Variants in KHDRBS2 observed in about 807,000 individuals in gnomAD.
The protein encoded by KHDRBS2 is KH domain-containing, RNA-binding, signal transduction-associated protein 2.
A neutral mutation model predicts 44.3 loss-of-function variants in KHDRBS2; 26 were observed. The ratio of observed to expected loss-of-function variants is 0.59; its 90% CI spans 0.43 to 0.81. The LOEUF is 0.81. Ranked by LOEUF, KHDRBS2 falls within the 40% of genes least tolerant of loss-of-function variation. KHDRBS2 has a pLI of 0.00. For missense variants in KHDRBS2, 476 were observed against 433.1 expected (o/e 1.10, Z -0.88); for synonymous variants, 194 against 151.1 (o/e 1.28, Z -2.08).
At chr6:61,927,289 T>G (rs1448839124) in intron 4 of KHDRBS2, among the ~76,000 whole-genome samples, 1 of 152,108 alleles carries the variant, frequency 6.6e-6, no homozygotes, top group Non-Finnish European at 1.5e-5. Context: ...AAACATATGG[T>G]ATAAATATTA....
intron 2 of KHDRBS2, among the ~76,000 whole-genome samples, chr6:62,068,067 C>T (rs1794163710): frequency 6.6e-6 from 1 of 151,364 alleles, no homozygotes; most frequent in African/African-American, 2.4e-5. Context: ...AGTGAAATTG[C>T]TGGATTATAT....
chr6:62,043,858 T>C (rs1405865536), intron 3 of KHDRBS2, among the ~76,000 whole-genome samples: 1 of 152,082 alleles, frequency 6.6e-6, no homozygotes, highest in Non-Finnish European at 1.5e-5. Context: ...TAAGAAGTAT[T>C]ATTAGATCCA....
At chr6:62,041,315 G>C (rs756397366) in intron 3 of KHDRBS2, among the ~76,000 whole-genome samples, 1 of 152,006 alleles carries the variant, frequency 6.6e-6, no homozygotes, top group Non-Finnish European at 1.5e-5. Flanking sequence ...TGGGCAGCAA[G>C]AATGAGACTC....
intron 1 of KHDRBS2, among the ~76,000 whole-genome samples, chr6:62,194,369 C>T (rs1299103737): frequency 6.6e-6 from 1 of 151,012 alleles, no homozygotes; most frequent in Non-Finnish European, 1.5e-5. Context: ...TAAAAAAAAC[C>T]AATTAACCAT....
intron 7 of KHDRBS2, among the ~76,000 whole-genome samples, chr6:61,702,625 G>T (rs1235939669): frequency 4.6e-5 from 7 of 151,862 alleles, no homozygotes; most frequent in Admixed American, 2.0e-4. Flanking sequence ...AATAATCTTA[G>T]AACATTTTAA....
chr6:61,906,527 C>T (rs1331963018), intron 4 of KHDRBS2, among the ~76,000 whole-genome samples: 1 of 151,852 alleles, frequency 6.6e-6, no homozygotes, highest in African/African-American at 2.4e-5. Context: ...ACCCATTAAC[C>T]ATCCCAACTT....
intron 7 of KHDRBS2, among the ~76,000 whole-genome samples, chr6:61,698,949 T>A (rs2127544742): frequency 6.6e-6 from 1 of 152,246 alleles, no homozygotes; most frequent in African/African-American, 2.4e-5. Flanking sequence ...CTACCTTGCT[T>A]TGCTCACCTT....
chr6:62,004,376 T>G (rs888413360), intron 3 of KHDRBS2, among the ~76,000 whole-genome samples: 5 of 152,070 alleles, frequency 3.3e-5, no homozygotes, highest in Admixed American at 1.3e-4. Context: ...TATAAACACC[T>G]CTTCGCAAAT....
chr6:62,203,500 A>C (rs1827391095), intron 1 of KHDRBS2, among the ~76,000 whole-genome samples: 1 of 152,138 alleles, frequency 6.6e-6, no homozygotes, highest in Admixed American at 6.6e-5. Context: ...TAGTTGCATA[A>C]AATTCACTCA....
intron 3 of KHDRBS2, among the ~76,000 whole-genome samples, chr6:62,040,169 T>C (rs758872563): frequency 4.6e-5 from 7 of 151,966 alleles, no homozygotes; most frequent in South Asian, 2.1e-4. Context: ...AGAGGCAAAT[T>C]CAAAATAAGT....
intron 1 of KHDRBS2, among the ~76,000 whole-genome samples, chr6:62,258,348 G>T (rs1837762498): frequency 6.6e-6 from 1 of 152,012 alleles, no homozygotes. Flanking sequence ...GGATATTCTG[G>T]TGATGCTACT....
intron 3 of KHDRBS2, among the ~76,000 whole-genome samples, chr6:62,038,551 A>G (rs1355597799): frequency 6.6e-6 from 1 of 152,090 alleles, no homozygotes; most frequent in East Asian, 1.9e-4. Context: ...CTGGTAAGAA[A>G]ATAGATCACT....
intron 2 of KHDRBS2, among the ~76,000 whole-genome samples, chr6:62,150,992 T>G (rs561729757): frequency 2.0e-5 from 3 of 152,236 alleles, no homozygotes; most frequent in African/African-American, 7.2e-5. Flanking sequence ...TTTGTAAGAT[T>G]TCCCCCCTTC....
chr6:62,110,851 T>A (rs866328103), intron 2 of KHDRBS2, among the ~76,000 whole-genome samples: 4 of 152,182 alleles, frequency 2.6e-5, no homozygotes, highest in Middle Eastern at 6.8e-3. Flanking sequence ...TACCAAGCTG[T>A]GCATATTTTA....
chr6:61,582,310 G>A, the KHDRBS2 span, among the ~76,000 whole-genome samples: 1 of 151,566 alleles, frequency 6.6e-6, no homozygotes, highest in African/African-American at 2.4e-5. Flanking sequence ...AAGCAAAAAA[G>A]CCTAGCAGGC....
chr6:62,264,112 C>T (rs1384619988), intron 1 of KHDRBS2, among the ~76,000 whole-genome samples: 1 of 151,534 alleles, frequency 6.6e-6, no homozygotes, highest in African/African-American at 2.4e-5. Flanking sequence ...GCCAAATACA[C>T]AGAAAAAAGA....
At chr6:61,836,743 T>C (rs1343769055) in intron 6 of KHDRBS2, among the ~76,000 whole-genome samples, 1 of 94,110 alleles carries the variant, frequency 1.1e-5, no homozygotes, top group Non-Finnish European at 2.1e-5. Flanking sequence ...GTGTTACACC[T>C]ATTAGGTAGA....
the KHDRBS2 span, among the ~76,000 whole-genome samples, chr6:61,654,533 A>G: frequency 6.6e-6 from 1 of 151,798 alleles, no homozygotes; most frequent in South Asian, 2.1e-4. Flanking sequence ...TGGGTCAAAC[A>G]GGGTTCAATT....
intron 2 of KHDRBS2, among the ~76,000 whole-genome samples, chr6:62,084,591 C>A (rs963076271): frequency 6.6e-6 from 1 of 152,098 alleles, no homozygotes; most frequent in African/African-American, 2.4e-5. Context: ...GGGGCTATCT[C>A]AAGGCATGAA....
Sources: allele counts gnomAD v4.1 joint callset (sites outside exome capture counted in the v4.1 genomes callset), GRCh38; gene constraint gnomAD v4.1.1; transcripts MANE v1.5; gene names NCBI Gene and HGNC (gene_info 2026-07-23, HGNC 2026-07-21).